NEGR1: variants seen among roughly 807,000 people sequenced by gnomAD.
NEGR1 encodes IgLON family member 4.
NEGR1 carries 10 observed loss-of-function variants against 40.9 expected under a neutral mutation model. The ratio of observed to expected loss-of-function variants is 0.24; its 90% CI spans 0.15 to 0.42. The LOEUF (loss-of-function observed/expected upper bound fraction) is 0.42. Among genes scored for constraint, NEGR1 ranks in the 10% least tolerant of loss-of-function variants. The pLI is 1.00. For synonymous variants in NEGR1, 185 were observed against 166.8 expected, an observed-to-expected ratio of 1.11 and a Z score of -0.84; for missense variants, 352 against 438.9, an observed-to-expected ratio of 0.80 and a Z score of 1.77.
chr1:72,031,466 T>C (rs763046154), intron 1 of NEGR1, among the ~76,000 whole-genome samples: 20 of 152,264 alleles, frequency 1.3e-4, no homozygotes, highest in Admixed American at 3.3e-4. Flanking sequence ...TTAAACATCA[T>C]CATCGTAATT....
chr1:71,776,447 G>T, intron 2 of NEGR1, 150 bp from the exon 3 acceptor site: 1 of 395,754 alleles, frequency 2.5e-6, no homozygotes, highest in Non-Finnish European at 4.4e-6. Flanking sequence ...GGATTCTCTA[G>T]AACCTCAAGA....
intron 1 of NEGR1, among the ~76,000 whole-genome samples, chr1:72,167,161 A>G (rs1651797847): frequency 6.6e-6 from 1 of 152,144 alleles, no homozygotes; most frequent in Non-Finnish European, 1.5e-5. Flanking sequence ...TCCAAAAATA[A>G]GAAAAAAACA....
chr1:71,656,606 G>A (rs990565182), intron 4 of NEGR1, among the ~76,000 whole-genome samples: 13 of 151,930 alleles, frequency 8.6e-5, no homozygotes, highest in African/African-American at 3.1e-4. Flanking sequence ...TAGAGACGGG[G>A]TTTCACCGTG....
intron 3 of NEGR1, among the ~76,000 whole-genome samples, chr1:71,751,407 T>C (rs1378641593): frequency 6.6e-6 from 1 of 152,196 alleles, no homozygotes; most frequent in Non-Finnish European, 1.5e-5. Flanking sequence ...TTTAACACAA[T>C]GAATCCCTGT....
chr1:71,677,567 C>G (rs1652686437), intron 4 of NEGR1, among the ~76,000 whole-genome samples: 1 of 152,104 alleles, frequency 6.6e-6, no homozygotes. Flanking sequence ...AAGATAACCA[C>G]AAATAGGAAT....
intron 4 of NEGR1, among the ~76,000 whole-genome samples, chr1:71,686,760 A>C (rs1322371382): frequency 6.6e-6 from 1 of 152,196 alleles, no homozygotes; most frequent in Non-Finnish European, 1.5e-5. Flanking sequence ...AGAATTACAC[A>C]ACTTGACTCC....
At position 71,716,202 on chromosome 1, in the gene NEGR1, G is replaced by A. The variant is rs150500703; in HGVS notation, c.536-18063C>T. Among the ~76,000 whole-genome samples the A allele has an allele frequency of 6.3e-3, 957 of 152,148 alleles. 12 individuals carry two copies. The highest frequency in any genetic ancestry group is 0.022 in the African/African-American group (913 of 41,492). On this transcript the variant is annotated intron_variant, in intron 3 of 6. Transcript: ENST00000357731. ...CTCATGAGAACTCACTCAGTATCAC[G>A]AGAATAGCATGGGGGAAGCTACCCC...
chr1:71,592,951 T>C lies in NEGR1; in HGVS notation c.806A>G (p.Gln269Arg). The change falls in exon 6 of 7, where the codon CAA (glutamine) becomes CGA (arginine). Residue 269 changes from glutamine to arginine, a missense_variant. By Grantham distance (43) the Gln-to-Arg change is conservative (BLOSUM62 1). This residue lies in a region of NEGR1 where 184 missense variants were observed against 208.7 expected (regional missense o/e 0.88). Transcript: ENST00000357731. Reference protein sequence around the residue: ...KGEKKLFNGQQGIIIQNFSTR... With the variant: ...KGEKKLFNGQRGIIIQNFSTR... ...GCTAAAATTTTGAATAATAATTCCT[T>C]GTTGGCCATTGAAGAGCCTAGAAGA... is the stretch of plus-strand genomic sequence containing the variant. 6.2e-7 allele frequency: 1 copy of C among 1,611,276 alleles called. No homozygotes were observed. The highest frequency in any genetic ancestry group is 8.5e-7 in the Non-Finnish European group (1 of 1,177,530).
intron 1 of NEGR1, among the ~76,000 whole-genome samples, chr1:72,079,323 T>C (rs926229079): frequency 6.6e-6 from 1 of 152,074 alleles, no homozygotes; most frequent in Admixed American, 6.6e-5. Context: ...ATTAATTCTT[T>C]ATTACAGAAA....
At position 71,584,614 on chromosome 1, in the gene NEGR1, G is replaced by A. The variant is rs146669784; in HGVS notation, c.940+8203C>T. 6.3e-3 allele frequency among the ~76,000 whole-genome samples: 964 copies of A among 152,148 alleles called. 6 individuals carry two copies. Among genetic ancestry groups the A allele is most frequent in the African/African-American group, 0.022 (893 of 41,508 alleles). On this transcript the variant is annotated intron_variant, in intron 6 of 6. Coordinates refer to ENST00000357731, the MANE Select transcript of NEGR1 (RefSeq NM_173808.3). ...GGCCCAGACTTTGCCACCTTATTAC[G>A]TGCTCAAACCATTGGATCCCACTTT...
At chr1:72,091,345 TCTCA>T (rs746475145) in intron 1 of NEGR1, among the ~76,000 whole-genome samples, 35 of 151,624 alleles carry the variant, frequency 2.3e-4, no homozygotes, top group Non-Finnish European at 4.4e-4. Flanking sequence ...TTTTTCTCTC[TCTCA>T]GTTTCCCTCC....
intron 1 of NEGR1, among the ~76,000 whole-genome samples, chr1:72,273,431 A>ATT (rs1173785949): frequency 6.6e-6 from 1 of 151,992 alleles, no homozygotes; most frequent in Admixed American, 6.6e-5. Flanking sequence ...GTTGATTATA[A>ATT]TTGTCAAGGG....
At chr1:71,596,064 A>G (rs653823) in intron 5 of NEGR1, among the ~76,000 whole-genome samples, 131,038 of 147,428 alleles carry the variant, frequency 0.89, 59,793 homozygotes, top group Non-Finnish European at 1. Context: ...AAAAAAAAAA[A>G]GAGAAACAAA....
chr1:72,252,917 G>GA (rs1406247937), intron 1 of NEGR1, among the ~76,000 whole-genome samples: 1 of 152,154 alleles, frequency 6.6e-6, no homozygotes, highest in East Asian at 1.9e-4. Flanking sequence ...CATTGCGAAG[G>GA]AAAAATGAAT....
intron 4 of NEGR1, among the ~76,000 whole-genome samples, chr1:71,658,736 T>C (rs1345985135): frequency 6.6e-6 from 1 of 152,210 alleles, no homozygotes; most frequent in Non-Finnish European, 1.5e-5. Context: ...TTATCTTAGA[T>C]ATTTTAAAAT....
intron 6 of NEGR1, among the ~76,000 whole-genome samples, chr1:71,469,342 G>A (rs1413232302): frequency 2.0e-5 from 3 of 151,886 alleles, no homozygotes; most frequent in Admixed American, 1.3e-4. Flanking sequence ...AAAATAGAGC[G>A]CACCACTTTT....
intron 5 of NEGR1, among the ~76,000 whole-genome samples, chr1:71,610,728 T>A (rs916211798): frequency 6.6e-6 from 1 of 152,106 alleles, no homozygotes; most frequent in Non-Finnish European, 1.5e-5. Context: ...CTGGTTTACT[T>A]CCCAAATAAA....
chr1:71,550,837 G>A (rs1283167003), intron 6 of NEGR1, among the ~76,000 whole-genome samples: 1 of 151,584 alleles, frequency 6.6e-6, no homozygotes, highest in Non-Finnish European at 1.5e-5. Context: ...CTACAACACT[G>A]AAACATGCCA....
intron 4 of NEGR1, among the ~76,000 whole-genome samples, chr1:71,687,412 G>A (rs925214231): frequency 6.6e-6 from 1 of 152,134 alleles, no homozygotes; most frequent in African/African-American, 2.4e-5. Context: ...TGGGCATTTT[G>A]TTTTGTTTTT....
Sources: allele counts gnomAD v4.1 joint callset (sites outside exome capture counted in the v4.1 genomes callset), GRCh38; gene constraint gnomAD v4.1.1; regional missense constraint gnomAD v4.1.1; transcripts MANE v1.5; gene names NCBI Gene and HGNC (gene_info 2026-07-23, HGNC 2026-07-21).